The following RALGPS1 variants were observed in gnomAD, a reference collection of about 807,000 sequenced individuals.
The protein encoded by RALGPS1 is Ral GEF with PH domain and SH3 binding motif 1.
Under a neutral mutation model 78.8 loss-of-function variants are expected in RALGPS1, and 19 were observed. The observed-to-expected ratio is 0.24, with a 90% CI of 0.17 to 0.35. The LOEUF (loss-of-function observed/expected upper bound fraction) is 0.35. Ranked by LOEUF, RALGPS1 falls within the 10% of genes least tolerant of loss-of-function variation. The pLI, the probability that RALGPS1 is intolerant of heterozygous loss-of-function variation, is 1.00. For synonymous variants in RALGPS1, 228 were observed against 256.3 expected (o/e 0.89, Z 1.06); for missense variants, 454 against 688.3 (o/e 0.66, Z 3.81).
chr9:127,153,902 C>T (rs566379724), intron 8 of RALGPS1, among the ~76,000 whole-genome samples: 6 of 152,256 alleles, frequency 3.9e-5, no homozygotes, highest in South Asian at 4.1e-4. Context: ...AGGAGGTGAC[C>T]GGGAGACCAC....
chr9:127,171,740 CAGTG>C (rs1266361749), intron 10 of RALGPS1, among the ~76,000 whole-genome samples: 1 of 152,168 alleles, frequency 6.6e-6, no homozygotes, highest in Admixed American at 6.5e-5. Flanking sequence ...GCCTAGGTGA[CAGTG>C]AGACTCCATC....
chr9:126,958,142 A>AATAAATATATATATAT (rs1554765219), intron 1 of RALGPS1, among the ~76,000 whole-genome samples: 2 of 77,084 alleles, frequency 2.6e-5, no homozygotes, highest in African/African-American at 8.1e-5. Flanking sequence ...AAAAAAAAAA[A>AATAAATATATATATAT]ATATATATAT....
chr9:127,079,010 T>C (rs879232382), intron 8 of RALGPS1, among the ~76,000 whole-genome samples: 2 of 152,210 alleles, frequency 1.3e-5, no homozygotes, highest in Non-Finnish European at 2.9e-5. Context: ...TACACACTAG[T>C]AAATGGTGAG....
At chr9:127,033,152 C>T (rs2046566457) in intron 4 of RALGPS1, among the ~76,000 whole-genome samples, 1 of 152,162 alleles carries the variant, frequency 6.6e-6, no homozygotes, top group African/African-American at 2.4e-5. Context: ...ATGGCAGGCT[C>T]CAGGTTGTTT....
chr9:127,033,204 A>T (rs987231183), intron 4 of RALGPS1, among the ~76,000 whole-genome samples: 5 of 152,104 alleles, frequency 3.3e-5, no homozygotes, highest in Admixed American at 3.3e-4. Context: ...GAAGTGAGGC[A>T]CCAGGAGGAG....
chr9:127,009,099 C>G (rs2044119485), intron 4 of RALGPS1, among the ~76,000 whole-genome samples: 1 of 152,292 alleles, frequency 6.6e-6, no homozygotes, highest in African/African-American at 2.4e-5. Flanking sequence ...TTTGCAAGTT[C>G]TTCTCAAAGA....
At chr9:127,030,400 C>G (rs1325235405) in intron 4 of RALGPS1, among the ~76,000 whole-genome samples, 1 of 152,034 alleles carries the variant, frequency 6.6e-6, no homozygotes, top group Non-Finnish European at 1.5e-5. Flanking sequence ...GGTGGGGAGA[C>G]AACAGGAGAA....
chr9:127,014,489 A>G (rs2044636668), intron 4 of RALGPS1, among the ~76,000 whole-genome samples: 1 of 152,226 alleles, frequency 6.6e-6, no homozygotes. Flanking sequence ...TACTCTGTCT[A>G]GAGACTTCAA....
intron 1 of RALGPS1, among the ~76,000 whole-genome samples, chr9:126,916,240 G>C (rs574009291): frequency 2.0e-5 from 3 of 152,310 alleles, no homozygotes; most frequent in African/African-American, 7.2e-5. Context: ...TCGCAGTTTG[G>C]GATGAGGTTT....
chr9:127,103,684 G>A (rs2053948918), intron 8 of RALGPS1, among the ~76,000 whole-genome samples: 1 of 152,174 alleles, frequency 6.6e-6, no homozygotes, highest in Non-Finnish European at 1.5e-5. Flanking sequence ...ACAGTGTTTT[G>A]TGTCATTGGA....
At chr9:127,193,905 C>T (rs952229795) in intron 11 of RALGPS1, among the ~76,000 whole-genome samples, 4 of 152,222 alleles carry the variant, frequency 2.6e-5, no homozygotes, top group African/African-American at 7.2e-5. Context: ...TCTGGAGTCA[C>T]CTCCCTTAAA....
In RALGPS1 at chr9:127,052,976, A is replaced by G. The variant is rs150428984; in HGVS notation, c.483+37A>G. On this transcript the variant is annotated intron_variant, in intron 7 of 18. Coordinates refer to ENST00000259351, the MANE Select transcript of RALGPS1 (RefSeq NM_014636.3). ...TCCCTAAGTCTATCTAATTTTGGCT[A>G]TCATTTCATTGGTGAAGTTCTTCAT... 5.1e-5 allele frequency: 70 copies of G among 1,385,090 alleles called. No individual in the cohort carries two copies. In the East Asian group the frequency reaches 1.5e-3, roughly 29 times the overall value. The allele number at this position is 1,385,090 out of a possible 1,614,324, so 85.8% of individuals were successfully genotyped here. A position where few individuals can be genotyped will look rare whatever the true frequency, so the allele number is the denominator to read the frequency against.
intron 7 of RALGPS1, among the ~76,000 whole-genome samples, chr9:127,068,785 G>A (rs997229024): frequency 4.6e-5 from 7 of 152,182 alleles, no homozygotes; most frequent in African/African-American, 1.4e-4. Flanking sequence ...TGTGCCCAGA[G>A]TAGCAGCTCA....
At chr9:127,181,277 C>T (rs889288504) in intron 11 of RALGPS1, among the ~76,000 whole-genome samples, 2 of 152,262 alleles carry the variant, frequency 1.3e-5, no homozygotes, top group African/African-American at 4.8e-5. Flanking sequence ...AGCAGCTAAG[C>T]TGCTTTGAGC....
intron 8 of RALGPS1, among the ~76,000 whole-genome samples, chr9:127,114,951 T>C (rs987150370): frequency 6.6e-6 from 1 of 152,102 alleles, no homozygotes; most frequent in Non-Finnish European, 1.5e-5. Flanking sequence ...AAATGTATGG[T>C]GTGCTGGTAG....
At chr9:127,113,435 A>G (rs1382584986) in intron 8 of RALGPS1, among the ~76,000 whole-genome samples, 1 of 149,024 alleles carries the variant, frequency 6.7e-6, no homozygotes, top group Non-Finnish European at 1.5e-5. Context: ...ATGGGCAGTA[A>G]TAAGTTTGTT....
At chr9:127,129,463 T>A (rs369801391) in intron 8 of RALGPS1, among the ~76,000 whole-genome samples, 344 of 152,304 alleles carry the variant, frequency 2.3e-3, no homozygotes, top group African/African-American at 7.6e-3. Flanking sequence ...CCAACCCCCT[T>A]ACACAGGTAC....
intron 1 of RALGPS1, among the ~76,000 whole-genome samples, chr9:126,942,888 A>C (rs2036914385): frequency 6.6e-6 from 1 of 151,922 alleles, no homozygotes; most frequent in Non-Finnish European, 1.5e-5. Context: ...TTTTCTTTAA[A>C]TGATTTTTGT....
At chr9:127,153,863 A>G (rs537809965) in intron 8 of RALGPS1, among the ~76,000 whole-genome samples, 4 of 152,280 alleles carry the variant, frequency 2.6e-5, no homozygotes, top group Non-Finnish European at 5.9e-5. Context: ...CAGTGCACCA[A>G]TTGGTGCAGA....
Sources: allele counts gnomAD v4.1 joint callset (sites outside exome capture counted in the v4.1 genomes callset), GRCh38; gene constraint gnomAD v4.1.1; transcripts MANE v1.5; gene names NCBI Gene and HGNC (gene_info 2026-07-23, HGNC 2026-07-21).